HOMER2: variants seen among roughly 807,000 people sequenced by gnomAD.
HOMER2 encodes the protein homer scaffold protein 2.
A neutral mutation model predicts 47.0 loss-of-function variants in HOMER2; 27 were observed. The ratio of observed to expected loss-of-function variants is 0.57; its 90% CI spans 0.42 to 0.79. The LOEUF (loss-of-function observed/expected upper bound fraction) is 0.79, where lower values mean the gene tolerates loss of function less well. Ranked by LOEUF, HOMER2 falls within the 30% of genes least tolerant of loss-of-function variation. The pLI, the probability that HOMER2 is intolerant of heterozygous loss-of-function variation, is 0.00. For missense variants in HOMER2, 443 were observed against 435.0 expected (o/e 1.02, Z -0.16); for synonymous variants, 161 against 163.8 (o/e 0.98, Z 0.13).
chr15:82,965,863 G>A (rs1477568093), intron 1 of HOMER2, among the ~76,000 whole-genome samples: 3 of 151,928 alleles, frequency 2.0e-5, no homozygotes, highest in East Asian at 1.9e-4. Flanking sequence ...TGGAGGCCGA[G>A]ATGGGAGGAT....
intron 1 of HOMER2, among the ~76,000 whole-genome samples, chr15:82,905,171 G>A (rs2053249955): frequency 6.6e-6 from 1 of 152,032 alleles, no homozygotes; most frequent in Non-Finnish European, 1.5e-5. Context: ...GGACAGGGCT[G>A]AGGAAAGAAC....
At chr15:82,949,771 T>G (rs1363395119) in intron 1 of HOMER2, among the ~76,000 whole-genome samples, 2 of 152,060 alleles carry the variant, frequency 1.3e-5, no homozygotes, top group Admixed American at 1.3e-4. Context: ...CTATTTAAAT[T>G]TAGATTAAGT....
upstream of HOMER2, among the ~76,000 whole-genome samples, chr15:82,955,433 T>A (rs1409089283): frequency 6.6e-6 from 1 of 152,172 alleles, no homozygotes; most frequent in Non-Finnish European, 1.5e-5. Context: ...CCTCCCAAAG[T>A]GCTGGGATTA....
At chr15:82,895,430 G>T (rs2052877516) in intron 1 of HOMER2, among the ~76,000 whole-genome samples, 1 of 152,206 alleles carries the variant, frequency 6.6e-6, no homozygotes, top group Non-Finnish European at 1.5e-5. Flanking sequence ...CCCCATCCAT[G>T]TGATATAATC....
chr15:82,951,267 C>A (rs1242905360), intron 1 of HOMER2, among the ~76,000 whole-genome samples: 1 of 152,234 alleles, frequency 6.6e-6, no homozygotes, highest in African/African-American at 2.4e-5. Flanking sequence ...TCACCCACCT[C>A]TGTCATGTCC....
At chr15:82,942,391 G>A (rs1235926200) in intron 1 of HOMER2, among the ~76,000 whole-genome samples, 1 of 152,214 alleles carries the variant, frequency 6.6e-6, no homozygotes, top group Non-Finnish European at 1.5e-5. Flanking sequence ...ATACGAGTAA[G>A]GATGGGAGTC....
intron 1 of HOMER2, among the ~76,000 whole-genome samples, chr15:82,977,479 G>C (rs1245193781): frequency 6.6e-6 from 1 of 152,190 alleles, no homozygotes; most frequent in East Asian, 1.9e-4. Flanking sequence ...CATCTGCTCA[G>C]AGAAAACTTT....
intron 2 of HOMER2, among the ~76,000 whole-genome samples, chr15:82,876,361 T>C (rs2052350521): frequency 1.3e-5 from 2 of 152,194 alleles, no homozygotes; most frequent in South Asian, 4.1e-4. Flanking sequence ...ACATTTACTA[T>C]ACACCAGACA....
At chr15:82,983,332 T>G (rs2030460045) in intron 1 of HOMER2, among the ~76,000 whole-genome samples, 1 of 152,048 alleles carries the variant, frequency 6.6e-6, no homozygotes, top group African/African-American at 2.4e-5. Context: ...CACCAGTGAT[T>G]TCAACTATTG....
At chr15:82,923,333 A>C (rs1237469047) in intron 1 of HOMER2, among the ~76,000 whole-genome samples, 1 of 151,876 alleles carries the variant, frequency 6.6e-6, no homozygotes, top group Non-Finnish European at 1.5e-5. Flanking sequence ...TAAAAATACA[A>C]AAAATTAGAG....
intron 1 of HOMER2, among the ~76,000 whole-genome samples, chr15:82,916,594 A>G (rs960484981): frequency 6.6e-6 from 1 of 152,202 alleles, no homozygotes; most frequent in African/African-American, 2.4e-5. Context: ...GGTCAAGTGC[A>G]GACCCCGCTG....
chr15:82,917,298 G>A (rs761282527), intron 1 of HOMER2, among the ~76,000 whole-genome samples: 18 of 152,148 alleles, frequency 1.2e-4, no homozygotes, highest in Admixed American at 2.6e-4. Context: ...ACCGCCAAAC[G>A]GTTTTCTAAT....
chr15:82,917,291 G>A (rs1488447955), intron 1 of HOMER2, among the ~76,000 whole-genome samples: 3 of 152,226 alleles, frequency 2.0e-5, no homozygotes, highest in South Asian at 2.1e-4. Context: ...ACATATAACC[G>A]CCAAACGGTT....
chr15:82,932,226 G>A (rs555629667), intron 1 of HOMER2, among the ~76,000 whole-genome samples: 46 of 152,326 alleles, frequency 3.0e-4, no homozygotes, highest in African/African-American at 1.1e-3. Flanking sequence ...CGGGCGTGGT[G>A]GCTCACGCCT....
chr15:82,928,939 C>CAAAAAAAAAAAAAAAAAAAAAAAAAAA (rs1596362215), intron 1 of HOMER2, among the ~76,000 whole-genome samples: 1 of 18,694 alleles, frequency 5.3e-5, no homozygotes, highest in African/African-American at 9.0e-4. Flanking sequence ...AAAATAAAAA[C>CAAAAAAAAAAAAAAAAAAAAAAAAAAA]TAAAAAAAAA....
At chr15:82,946,079 T>C (rs1448885276) in intron 1 of HOMER2, among the ~76,000 whole-genome samples, 2 of 152,118 alleles carry the variant, frequency 1.3e-5, no homozygotes, top group Non-Finnish European at 1.5e-5. Context: ...CTGATAAATC[T>C]GCTAAGGGTC....
intron 6 of HOMER2, 166 bp from the exon 7 acceptor site, chr15:82,852,418 TG>T: frequency 1.7e-6 from 1 of 581,650 alleles, no homozygotes; most frequent in Non-Finnish European, 3.0e-6. Context: ...AGCTCCATCA[TG>T]GGGCTGCCTG....
chr15:82,947,199 T>A (rs1328695846), intron 1 of HOMER2, among the ~76,000 whole-genome samples: 1 of 152,194 alleles, frequency 6.6e-6, no homozygotes, highest in African/African-American at 2.4e-5. Context: ...TCAACATATC[T>A]GAAAGACTGT....
At chr15:82,878,496 G>A (rs1567030050) in intron 2 of HOMER2, among the ~76,000 whole-genome samples, 1 of 152,220 alleles carries the variant, frequency 6.6e-6, no homozygotes, top group East Asian at 1.9e-4. Flanking sequence ...ACGATGGCTG[G>A]AGGTTCATTC....
Sources: allele counts gnomAD v4.1 joint callset (sites outside exome capture counted in the v4.1 genomes callset), GRCh38; gene constraint gnomAD v4.1.1; transcripts MANE v1.5; gene names NCBI Gene and HGNC (gene_info 2026-07-23, HGNC 2026-07-21).